CLIC5: variants seen among roughly 807,000 people sequenced by gnomAD.
The protein encoded by CLIC5 is CLIC family member 5.
In CLIC5, 20 loss-of-function variants were observed where a neutral mutation model predicts 24.7. The observed-to-expected ratio is 0.81, with a 90% CI of 0.57 to 1.18. CLIC5 has a LOEUF of 1.18. Ranked by LOEUF, CLIC5 falls within the 50% of genes most tolerant of loss-of-function variation. The probability of loss-of-function intolerance (pLI) is 0.00; values close to 1 mark genes in which losing one functional copy is unlikely to be tolerated. For synonymous variants in CLIC5, 159 were observed against 135.6 expected (o/e 1.17, Z -1.20); for missense variants, 341 against 326.1 (o/e 1.05, Z -0.35).
intron 1 of CLIC5, among the ~76,000 whole-genome samples, chr6:46,075,550 C>T (rs1358549657): frequency 6.6e-6 from 1 of 152,010 alleles, no homozygotes; most frequent in Non-Finnish European, 1.5e-5. Flanking sequence ...GCACCATTGC[C>T]CTCCAGCTTG....
the CLIC5 span, among the ~76,000 whole-genome samples, chr6:46,114,737 C>G: frequency 6.6e-6 from 1 of 152,318 alleles, no homozygotes; most frequent in Non-Finnish European, 1.5e-5. Context: ...TAAAGCCTCC[C>G]AGTCTCTGGT....
intron 5 of CLIC5, among the ~76,000 whole-genome samples, chr6:45,904,613 C>T (rs1298716817): frequency 6.6e-6 from 1 of 150,878 alleles, no homozygotes; most frequent in Non-Finnish European, 1.5e-5. Flanking sequence ...AGAGTAGTAT[C>T]ACTTCTGACT....
chr6:46,117,196 G>A, the CLIC5 span, among the ~76,000 whole-genome samples: 27 of 152,100 alleles, frequency 1.8e-4, no homozygotes, highest in Non-Finnish European at 3.4e-4. Flanking sequence ...TGTCCTGTCA[G>A]CTGTACTCCA....
chr6:45,948,305 C>G (rs1764353314), intron 3 of CLIC5, among the ~76,000 whole-genome samples: 1 of 152,202 alleles, frequency 6.6e-6, no homozygotes, highest in African/African-American at 2.4e-5. Flanking sequence ...GATTTTCCTG[C>G]CCTGTCTTGG....
chr6:46,066,798 G>A (rs1762455562), intron 1 of CLIC5, among the ~76,000 whole-genome samples: 1 of 152,180 alleles, frequency 6.6e-6, no homozygotes, highest in South Asian at 2.1e-4. Flanking sequence ...TTCAGAAACT[G>A]CTTCCCAGGG....
chr6:46,053,596 G>A (rs774117613), intron 1 of CLIC5, among the ~76,000 whole-genome samples: 38 of 152,110 alleles, frequency 2.5e-4, no homozygotes, highest in Admixed American at 4.6e-4. Context: ...TACTTTAATC[G>A]TTGAGGTCGG....
intron 1 of CLIC5, among the ~76,000 whole-genome samples, chr6:45,979,951 CTTT>C (rs3997321): frequency 3.4e-3 from 322 of 95,018 alleles, no homozygotes; most frequent in African/African-American, 0.012. Flanking sequence ...GACTTAGTCA[CTTT>C]TTTTTTTTTT....
downstream of CLIC5, among the ~76,000 whole-genome samples, chr6:45,897,933 C>T (rs1021563852): frequency 6.6e-6 from 1 of 151,576 alleles, no homozygotes; most frequent in African/African-American, 2.4e-5. Context: ...AATTTTTTAC[C>T]TAGCCCAGGT....
At chr6:45,999,613 CCCTCCTCTTCCT>C (rs897019730) in intron 1 of CLIC5, among the ~76,000 whole-genome samples, 3 of 152,014 alleles carry the variant, frequency 2.0e-5, no homozygotes, top group East Asian at 1.9e-4. Context: ...TAAGGCCAAC[CCCTCCTCTTCCT>C]CCTCCTCTTC....
intron 1 of CLIC5, among the ~76,000 whole-genome samples, chr6:45,958,831 T>G (rs1764754362): frequency 6.6e-6 from 1 of 152,136 alleles, no homozygotes; most frequent in Non-Finnish European, 1.5e-5. Context: ...ACCTGAAACT[T>G]ACTTTATATT....
upstream of CLIC5, among the ~76,000 whole-genome samples, chr6:46,084,638 G>C (rs1009942535): frequency 1.3e-3 from 192 of 152,326 alleles, 2 homozygotes; most frequent in African/African-American, 4.5e-3. Flanking sequence ...TCTGCCGAGA[G>C]ATCCGCTGTT....
At chr6:45,997,983 A>G (rs1176604482) in intron 1 of CLIC5, among the ~76,000 whole-genome samples, 2 of 152,210 alleles carry the variant, frequency 1.3e-5, no homozygotes, top group African/African-American at 2.4e-5. Context: ...TGCCTTGATC[A>G]AGGGTGTAGG....
At chr6:45,934,756 G>T (rs980525538) in intron 4 of CLIC5, among the ~76,000 whole-genome samples, 4 of 152,214 alleles carry the variant, frequency 2.6e-5, no homozygotes, top group African/African-American at 9.6e-5. Context: ...AGGGGCAAAA[G>T]CACATGAGAA....
At chr6:46,099,898 G>C in the CLIC5 span, among the ~76,000 whole-genome samples, 1 of 151,852 alleles carries the variant, frequency 6.6e-6, no homozygotes, top group African/African-American at 2.4e-5. Flanking sequence ...TTTGTCCATG[G>C]AGGCTTTGAA....
At chr6:46,085,309 G>T (rs1245673561), upstream of CLIC5, among the ~76,000 whole-genome samples, 1 of 152,196 alleles carries the variant, frequency 6.6e-6, no homozygotes, top group African/African-American at 2.4e-5. Flanking sequence ...TTTTTCCATT[G>T]CTGCTGAGGA....
chr6:45,973,031 G>A (rs1406852629), intron 1 of CLIC5, among the ~76,000 whole-genome samples: 1 of 152,196 alleles, frequency 6.6e-6, no homozygotes, highest in Non-Finnish European at 1.5e-5. Context: ...GCAGCCAGGT[G>A]CTGAAAGTGG....
intron 1 of CLIC5, among the ~76,000 whole-genome samples, chr6:46,038,573 G>A (rs1767725530): frequency 6.6e-6 from 1 of 152,206 alleles, no homozygotes; most frequent in Admixed American, 6.5e-5. Flanking sequence ...TTAAGAAAGG[G>A]AAGTTTACTG....
intron 2 of CLIC5, among the ~76,000 whole-genome samples, chr6:45,953,589 G>T (rs940084313): frequency 2.0e-5 from 3 of 152,244 alleles, no homozygotes; most frequent in Admixed American, 1.3e-4. Context: ...GAGAAGTGTT[G>T]GGAAAGAGTG....
At chr6:46,017,066 T>G (rs1767037159), upstream of CLIC5, among the ~76,000 whole-genome samples, 1 of 152,206 alleles carries the variant, frequency 6.6e-6, no homozygotes, top group Non-Finnish European at 1.5e-5. Flanking sequence ...GGAGTGGACT[T>G]GCTGAGTTGT....
Sources: gnomAD v4.1 joint callset for allele counts (sites outside exome capture counted in the v4.1 genomes callset) on GRCh38, gnomAD v4.1.1 for gene constraint, MANE v1.5 for transcripts, NCBI Gene and HGNC (gene_info 2026-07-23, HGNC 2026-07-21) for gene names.